The following LINGO2 variants were observed in gnomAD, a reference collection of about 807,000 sequenced individuals.
LINGO2 encodes leucine rich repeat and Ig domain containing 2, also known as leucine-rich repeat and immunoglobulin-like domain-containing nogo receptor-interacting protein 2.
In LINGO2, 14 loss-of-function variants were observed where a neutral mutation model predicts 30.6. That is an observed-to-expected ratio of 0.46 (90% confidence interval 0.30 to 0.72). The LOEUF is 0.72. Ranked by LOEUF, LINGO2 falls within the 30% of genes least tolerant of loss-of-function variation. The pLI is 0.07. For synonymous variants in LINGO2, 317 were observed against 288.5 expected (o/e 1.10, Z -1.00); for missense variants, 729 against 751.7 (o/e 0.97, Z 0.35).
chr9:28,134,926 A>G (rs1351639363), intron 4 of LINGO2, among the ~76,000 whole-genome samples: 1 of 152,230 alleles, frequency 6.6e-6, no homozygotes, highest in African/African-American at 2.4e-5. Flanking sequence ...GACGCTCTAT[A>G]CAGGAAGAGA....
At chr9:28,959,626 A>T in the LINGO2 span, among the ~76,000 whole-genome samples, 1 of 150,916 alleles carries the variant, frequency 6.6e-6, no homozygotes, top group Non-Finnish European at 1.5e-5. Context: ...ACACACACAC[A>T]CACACACACA....
chr9:27,984,246 C>T (rs544092027), intron 5 of LINGO2, among the ~76,000 whole-genome samples: 1 of 151,796 alleles, frequency 6.6e-6, no homozygotes, highest in Non-Finnish European at 1.5e-5. Context: ...ATGAGGGTAA[C>T]AGGTTTATGA....
the LINGO2 span, among the ~76,000 whole-genome samples, chr9:28,713,165 C>A: frequency 6.6e-6 from 1 of 152,118 alleles, no homozygotes. Flanking sequence ...TGCCCGGCCT[C>A]AATTCCTAAT....
At chr9:27,950,380 G>A in exon 6 of LINGO2, 1 of 1,614,112 alleles carries the variant, frequency 6.2e-7, no homozygotes, top group Non-Finnish European at 8.5e-7. Context: ...AATGCTCCTG[G>A]TTCCACATTG....
chr9:28,013,646 A>G (rs1261612469), intron 4 of LINGO2, among the ~76,000 whole-genome samples: 2 of 152,198 alleles, frequency 1.3e-5, no homozygotes, highest in African/African-American at 4.8e-5. Context: ...ATTGTCTACA[A>G]TGGCTCTTCA....
the LINGO2 span, among the ~76,000 whole-genome samples, chr9:29,139,712 C>T: frequency 2.0e-5 from 3 of 152,084 alleles, no homozygotes; most frequent in African/African-American, 7.2e-5. Context: ...AGAGTTCATC[C>T]CCCTTCACAT....
intron 4 of LINGO2, among the ~76,000 whole-genome samples, chr9:28,144,093 A>G (rs1428427024): frequency 6.6e-6 from 1 of 152,180 alleles, no homozygotes; most frequent in Admixed American, 6.5e-5. Flanking sequence ...TAAATGGTTG[A>G]ACAGACAGAA....
chr9:28,636,356 G>T (rs539824066), intron 1 of LINGO2, among the ~76,000 whole-genome samples: 2 of 152,276 alleles, frequency 1.3e-5, no homozygotes, highest in South Asian at 2.1e-4. Flanking sequence ...GGATGGCGGG[G>T]ACAAATGGTA....
chr9:28,757,045 AATG>A, the LINGO2 span, among the ~76,000 whole-genome samples: 2 of 152,048 alleles, frequency 1.3e-5, 1 homozygote, highest in African/African-American at 4.8e-5. Context: ...ATATAAATCC[AATG>A]ATGATGATAA....
chr9:28,049,166 C>A (rs1376243978), intron 4 of LINGO2, among the ~76,000 whole-genome samples: 1 of 150,794 alleles, frequency 6.6e-6, no homozygotes, highest in Non-Finnish European at 1.5e-5. Context: ...CATCATGGGA[C>A]AACATCAAGA....
At chr9:28,283,812 C>T (rs1436538037) in intron 4 of LINGO2, among the ~76,000 whole-genome samples, 1 of 151,946 alleles carries the variant, frequency 6.6e-6, no homozygotes, top group South Asian at 2.1e-4. Context: ...TATTTTATTG[C>T]TATTGTCATG....
intron 4 of LINGO2, among the ~76,000 whole-genome samples, chr9:28,271,673 A>G (rs1822945846): frequency 6.6e-6 from 1 of 152,192 alleles, no homozygotes; most frequent in Non-Finnish European, 1.5e-5. Flanking sequence ...AGACCAAGGA[A>G]AAGCCTTCAT....
chr9:28,880,690 T>C, the LINGO2 span, among the ~76,000 whole-genome samples: 2 of 152,140 alleles, frequency 1.3e-5, no homozygotes, highest in South Asian at 2.1e-4. Flanking sequence ...CCTCTTGCAG[T>C]TGAGATAGAG....
At chr9:28,224,849 G>A (rs1220027318) in intron 4 of LINGO2, among the ~76,000 whole-genome samples, 1 of 152,104 alleles carries the variant, frequency 6.6e-6, no homozygotes, top group African/African-American at 2.4e-5. Context: ...AACAAAGCCT[G>A]AGGCACCACA....
At chr9:29,025,163 GA>G in the LINGO2 span, among the ~76,000 whole-genome samples, 636 of 143,652 alleles carry the variant, frequency 4.4e-3, 3 homozygotes, top group African/African-American at 0.01. Flanking sequence ...GAAAAAAACA[GA>G]AAAAAAAAAC....
Position 28,050,950 on chromosome 9 carries a change from C to T in LINGO2, c.-86-38545G>A, listed in dbSNP as rs943974895. Among the ~76,000 whole-genome samples the T allele has an allele frequency of 1.3e-5, 2 of 150,932 alleles. 1 individual carries two copies. Among genetic ancestry groups the T allele is most frequent in the African/African-American group, 4.9e-5 (2 of 40,834 alleles). ...AAACACACTGTAGTACATGTTATGA[C>T]AGTGGTGGGCTCAACATACTCATCA... is the stretch of plus-strand genomic sequence containing the variant. On this transcript the variant is annotated intron_variant, in intron 4 of 5. Transcript: ENST00000379992.
the LINGO2 span, among the ~76,000 whole-genome samples, chr9:28,860,516 T>C: frequency 6.6e-6 from 1 of 151,994 alleles, no homozygotes; most frequent in Non-Finnish European, 1.5e-5. Flanking sequence ...GGACTTGCCA[T>C]GCTTCCACAA....
At chr9:28,270,197 G>A (rs577154356) in intron 4 of LINGO2, among the ~76,000 whole-genome samples, 1 of 152,106 alleles carries the variant, frequency 6.6e-6, no homozygotes, top group African/African-American at 2.4e-5. Context: ...ATTATTGTCG[G>A]GAAGCATTTT....
At chr9:28,976,097 C>A in the LINGO2 span, among the ~76,000 whole-genome samples, 3 of 152,132 alleles carry the variant, frequency 2.0e-5, no homozygotes, top group Non-Finnish European at 4.4e-5. Flanking sequence ...AGGCTGTGAT[C>A]CTCCTTTGAC....
Sources: allele counts gnomAD v4.1 joint callset (sites outside exome capture counted in the v4.1 genomes callset), GRCh38; gene constraint gnomAD v4.1.1; transcripts MANE v1.5; gene names NCBI Gene and HGNC (gene_info 2026-07-23, HGNC 2026-07-21).